CPNE9: variants seen among roughly 807,000 people sequenced by gnomAD.
CPNE9 encodes the protein copine family member 9, also known as copine-9.
A neutral mutation model predicts 83.0 loss-of-function variants in CPNE9; 59 were observed. The observed-to-expected ratio is 0.71, with a 90% CI of 0.58 to 0.88. The LOEUF is 0.88. Ranked by LOEUF, CPNE9 falls within the 40% of genes least tolerant of loss-of-function variation. The pLI, the probability that CPNE9 is intolerant of heterozygous loss-of-function variation, is 0.00. For missense variants in CPNE9, 619 were observed against 720.8 expected (o/e 0.86, Z 1.62); for synonymous variants, 256 against 273.4 (o/e 0.94, Z 0.63).
chr3:9,729,764 A>G lies in CPNE9; in HGVS notation c.*72A>G. ...ACTGCTTCTGCTTTAAGCCAGAGGC[A>G]CCTGGAACCCTGGACTTCACTGGGA... On this transcript the variant is annotated 3_prime_UTR_variant, in exon 21 of 21. Transcript: ENST00000383832. The G allele has an allele frequency of 6.6e-7, 1 of 1,509,382 alleles. No individual in the cohort carries two copies. Among genetic ancestry groups the G allele is most frequent in the African/African-American group, 1.4e-5 (1 of 72,914 alleles). The allele number at this position is 1,509,382 out of a possible 1,614,324, so 93.5% of individuals were successfully genotyped here.
chr3:9,706,955 G>A (rs1424586697), intron 7 of CPNE9, among the ~76,000 whole-genome samples: 4 of 152,258 alleles, frequency 2.6e-5, no homozygotes, highest in South Asian at 2.1e-4. Context: ...GCCTTGCAGC[G>A]GACTTCCACC....
In CPNE9 at chr3:9,704,877, AC is replaced by A. The variant is rs758556277; in HGVS notation, c.157-8del. The stretch of plus-strand genomic sequence containing the variant: ...TCTGCACGTCCCACGCTGACCCTCC[AC>A]CCCCCTACCCAGTTCGGACGGACCG... On this transcript the variant is annotated splice_polypyrimidine_tract_variant and intron_variant, in intron 3 of 20. Coordinates refer to ENST00000383832, the MANE Select transcript of CPNE9 (RefSeq NM_153635.3). The surrounding 1 kb of genome is among the most constrained non-coding windows in gnomAD (Gnocchi z 7.1). 2.5e-6 allele frequency: 4 copies of A among 1,605,620 alleles called. No homozygotes were observed. Among genetic ancestry groups the A allele is most frequent in the East Asian group, 2.2e-5 (1 of 44,684 alleles).
chr3:9,721,999 A>G (rs2076738092), intron 17 of CPNE9, among the ~76,000 whole-genome samples: 1 of 151,580 alleles, frequency 6.6e-6, no homozygotes, highest in African/African-American at 2.4e-5. Flanking sequence ...GCTCACTGCA[A>G]CCTCTGCCCC....
At chr3:9,724,938 A>T (rs2125475448) in intron 17 of CPNE9, among the ~76,000 whole-genome samples, 1 of 151,902 alleles carries the variant, frequency 6.6e-6, no homozygotes, top group Non-Finnish European at 1.5e-5. Flanking sequence ...TGTATTTTTC[A>T]TAGAGACAGG....
rs80122790 is a variant in CPNE9, at chr3:9,707,003, G to A, written c.377+940G>A. Among the ~76,000 whole-genome samples the A allele has an allele frequency of 1.1e-3, 172 of 152,232 alleles. 4 individuals carry two copies. The East Asian group carries it at 0.022, about 19-fold the overall frequency. The stretch of plus-strand genomic sequence containing the variant: ...CGGGAGTCACTGGAGGGTTCTGAGC[G>A]GAGGAGTGACATGACATGGCGGCTT... On this transcript the variant is annotated intron_variant, in intron 7 of 20. Transcript: ENST00000383832.
At chr3:9,711,212 TA>T (rs2076623708) in intron 7 of CPNE9, among the ~76,000 whole-genome samples, 1 of 152,058 alleles carries the variant, frequency 6.6e-6, no homozygotes, top group African/African-American at 2.4e-5. Flanking sequence ...ATTATTTATT[TA>T]TTTTTTTGAG....
At chr3:9,710,945 CTT>C (rs747530800) in intron 7 of CPNE9, among the ~76,000 whole-genome samples, 1 of 152,042 alleles carries the variant, frequency 6.6e-6, no homozygotes, top group African/African-American at 2.4e-5. Flanking sequence ...GGGAGGATCT[CTT>C]GAGTCCAGGA....
intron 15 of CPNE9, 69 bp from the exon 16 acceptor site, chr3:9,717,960 C>T: frequency 2.2e-6 from 3 of 1,375,902 alleles, no homozygotes; most frequent in Non-Finnish European, 3.0e-6. Context: ...TGAATGCACA[C>T]AAAGATAAGC....
chr3:9,705,751 G>C, intron 6 of CPNE9, 31 bp downstream of exon 6: 1 of 1,609,050 alleles, frequency 6.2e-7, no homozygotes, highest in Non-Finnish European at 8.5e-7. Context: ...GCAGAGGTTG[G>C]GGGTGGGGGT....
chr3:9,714,639 T>TAAAAAAAAA (rs34491669), intron 10 of CPNE9, among the ~76,000 whole-genome samples: 6 of 103,348 alleles, frequency 5.8e-5, no homozygotes, highest in Non-Finnish European at 1.0e-4. Context: ...CTCAAAGTGG[T>TAAAAAAAAA]AAAAAAAAAA....
intron 6 of CPNE9, 53 bp downstream of exon 6, chr3:9,705,773 G>A: frequency 6.3e-7 from 1 of 1,593,112 alleles, no homozygotes; most frequent in Non-Finnish European, 8.6e-7. Flanking sequence ...GTATTGTGGA[G>A]AACAGGCTTG....
At chr3:9,719,692 G>T (rs1217494903) in intron 17 of CPNE9, among the ~76,000 whole-genome samples, 1 of 152,034 alleles carries the variant, frequency 6.6e-6, no homozygotes, top group Admixed American at 6.6e-5. Flanking sequence ...CAAATTTTCA[G>T]AATAAAACTA....
At chr3:9,725,263 G>A (rs543962656) in intron 17 of CPNE9, among the ~76,000 whole-genome samples, 8 of 152,204 alleles carry the variant, frequency 5.3e-5, no homozygotes, top group South Asian at 2.1e-4. Flanking sequence ...GACCAGGCAC[G>A]GTGGCTCATG....
chr3:9,710,596 G>T (rs2076617168), intron 7 of CPNE9, among the ~76,000 whole-genome samples: 1 of 152,244 alleles, frequency 6.6e-6, no homozygotes, highest in South Asian at 2.1e-4. Flanking sequence ...CTTGAAGTCT[G>T]CATCATGCAT....
At chr3:9,717,141 A>T (rs1453194480) in intron 15 of CPNE9, 37 bp downstream of exon 15, 1 of 1,610,880 alleles carries the variant, frequency 6.2e-7, no homozygotes, top group Admixed American at 1.7e-5. Context: ...GGAGGTGGGA[A>T]GGCACTTCTA....
intron 7 of CPNE9, among the ~76,000 whole-genome samples, chr3:9,709,200 C>T (rs1352859777): frequency 4.1e-5 from 6 of 145,020 alleles, no homozygotes; most frequent in East Asian, 4.4e-4. Context: ...CGCCTGAACC[C>T]GGGAGGCGGA....
chr3:9,716,088 G>T (rs1379575243), intron 14 of CPNE9, 53 bp downstream of exon 14: 7 of 1,487,088 alleles, frequency 4.7e-6, no homozygotes, highest in Non-Finnish European at 6.5e-6. Flanking sequence ...ATTACTCCCA[G>T]TTCTGAGCCC....
Position 9,704,859 on chromosome 3 carries a change from G to T in CPNE9, c.157-32G>T, listed in dbSNP as rs1355224151. The T allele has an allele frequency of 1.2e-6, 2 of 1,604,580 alleles. No individual in the cohort carries two copies. The highest frequency in any genetic ancestry group is 1.3e-5 in the African/African-American group (1 of 74,612). On this transcript the variant is annotated intron_variant, in intron 3 of 20. Transcript: ENST00000383832. This position sits in a 1 kb window ranked among gnomAD's most constrained non-coding sequence, Gnocchi z 7.1. ...CGGGAATTCCCCTGCCCGTCTGCAC[G>T]TCCCACGCTGACCCTCCACCCCCCT...
chr3:9,725,555 A>C (rs1330247292), intron 17 of CPNE9, among the ~76,000 whole-genome samples: 1 of 149,530 alleles, frequency 6.7e-6, no homozygotes, highest in African/African-American at 2.5e-5. Flanking sequence ...CAAAACAAAA[A>C]ATGTGTGTGT....
Sources: allele counts gnomAD v4.1 joint callset (sites outside exome capture counted in the v4.1 genomes callset), GRCh38; gene constraint gnomAD v4.1.1; non-coding constraint Gnocchi (gnomAD v3.1); transcripts MANE v1.5; gene names NCBI Gene and HGNC (gene_info 2026-07-23, HGNC 2026-07-21).